The following STEAP2 variants were observed in gnomAD, a reference collection of about 807,000 sequenced individuals.
The protein encoded by STEAP2 is metalloreductase STEAP2.
In STEAP2, 30 loss-of-function variants were observed where a neutral mutation model predicts 46.4. That is an observed-to-expected ratio of 0.65 (90% confidence interval 0.48 to 0.88). STEAP2 has a LOEUF of 0.88. Among genes scored for constraint, STEAP2 ranks in the 40% least tolerant of loss-of-function variants. STEAP2 has a pLI of 0.00. For missense variants in STEAP2, 513 were observed against 579.3 expected, an observed-to-expected ratio of 0.89 and a Z score of 1.18; for synonymous variants, 180 against 200.5, an observed-to-expected ratio of 0.90 and a Z score of 0.86.
chr7:90,237,049 C>A lies in STEAP2; in HGVS notation c.*4425C>A. On this transcript the variant is annotated 3_prime_UTR_variant, in exon 6 of 6. Transcript: ENST00000394621. ...GTGTTGGCCAGTGAGATGAAGTCTC[C>A]TCAAAGGAAGGCAGCATGTGTCCTT... The A allele has an allele frequency of 7.6e-7, 1 of 1,313,240 alleles. No homozygotes were observed. The highest frequency in any genetic ancestry group is 1.9e-5 in the Admixed American group (1 of 51,284). 81.3% of individuals were successfully genotyped at this position (1,313,240 alleles called of 1,614,324 possible). A position where few individuals can be genotyped will look rare whatever the true frequency, so the allele number is the denominator to read the frequency against.
intron 5 of STEAP2, 111 bp from the exon 6 acceptor site, chr7:90,232,226 C>A: frequency 1.1e-5 from 14 of 1,300,228 alleles, no homozygotes; most frequent in Non-Finnish European, 1.4e-5. Context: ...TAATTTAAGA[C>A]AAAATAGTTT....
rs567759645 is a variant in STEAP2, at chr7:90,237,411, G to T, written c.*4787G>T. The T allele has an allele frequency of 6.5e-6, 1 of 154,838 alleles. No homozygotes were observed. 9.6% of individuals were successfully genotyped at this position (154,838 alleles called of 1,614,324 possible). On this transcript the variant is annotated 3_prime_UTR_variant, in exon 6 of 6. Coordinates refer to ENST00000394621, the MANE Select transcript of STEAP2 (RefSeq NM_001244944.2). ...AAAATTGATTTTCCATTGTCAATTA[G>T]TTATACTCATTTTCCTGCCTTGATC...
intron 1 of STEAP2, among the ~76,000 whole-genome samples, chr7:90,214,464 C>CT: frequency 6.6e-6 from 1 of 152,160 alleles, no homozygotes; most frequent in South Asian, 2.1e-4. Context: ...ATAGACTGGT[C>CT]TTTGATAGGT....
rs1795915023 is a variant in STEAP2 at position 90,235,051 on chromosome 7, C to G, written c.*2427C>G. 1 of 951,980 alleles carries G rather than the reference C, an allele frequency of 1.1e-6. No homozygotes were observed. The highest frequency in any genetic ancestry group is 1.3e-6 in the Non-Finnish European group (1 of 799,332). The allele number at this position is 951,980 out of a possible 1,614,324, so 59.0% of individuals were successfully genotyped here. ...ATTTTCTTATTCCTTAAATTCCACT[C>G]TTTTAACACTATGCTTAACCACTTA... On this transcript the variant is annotated 3_prime_UTR_variant, in exon 6 of 6. Coordinates refer to ENST00000394621, the MANE Select transcript of STEAP2 (RefSeq NM_001244944.2).
chr7:90,243,032 T>A (rs1417031306), downstream of STEAP2, among the ~76,000 whole-genome samples: 1 of 152,150 alleles, frequency 6.6e-6, no homozygotes, highest in African/African-American at 2.4e-5. Context: ...GGGCTGAGGA[T>A]GAGAAAAGCG....
intron 1 of STEAP2, chr7:90,215,341 T>A (rs1794973522): frequency 6.6e-6 from 1 of 152,212 alleles, no homozygotes; most frequent in Non-Finnish European, 1.5e-5. Context: ...TTAGGTTCTA[T>A]TTTTCAAAAG....
At chr7:90,231,666 G>T (rs770478470) in intron 5 of STEAP2, among the ~76,000 whole-genome samples, 6 of 151,978 alleles carry the variant, frequency 3.9e-5, no homozygotes, top group Admixed American at 6.6e-5. Context: ...TGGGACCACC[G>T]TTGTATATGC....
chr7:90,231,658 G>C (rs1795754034), intron 5 of STEAP2, among the ~76,000 whole-genome samples: 2 of 151,782 alleles, frequency 1.3e-5, no homozygotes, highest in East Asian at 3.9e-4. Context: ...TAATCTTATG[G>C]GACCACCGTT....
chr7:90,218,833 G>A (rs1351742196), intron 2 of STEAP2, among the ~76,000 whole-genome samples: 2 of 152,008 alleles, frequency 1.3e-5, no homozygotes, highest in Non-Finnish European at 2.9e-5. Context: ...TTTTGATAGG[G>A]ATTGCATTGA....
At chr7:90,240,275 T>C (rs1400251324), downstream of STEAP2, among the ~76,000 whole-genome samples, 1 of 47,402 alleles carries the variant, frequency 2.1e-5, no homozygotes, top group East Asian at 9.9e-4. The surrounding 1 kb of genome is among the most constrained non-coding windows in gnomAD (Gnocchi z 4.1). Flanking sequence ...AGTGAGACCC[T>C]GTCTCAAAAA....
In STEAP2 at chr7:90,234,077, C is replaced by G. The variant is rs1257207381; in HGVS notation, c.*1453C>G. 1 of 985,252 alleles carries G rather than the reference C, an allele frequency of 1.0e-6. No homozygotes were observed. Among genetic ancestry groups the G allele is most frequent in the Non-Finnish European group, 1.2e-6 (1 of 829,940 alleles). 61.0% of individuals were successfully genotyped at this position (985,252 alleles called of 1,614,324 possible). A position where few individuals can be genotyped will look rare whatever the true frequency, so the allele number is the denominator to read the frequency against. ...AAATCTCTGTAGAGTTAGTCTTCTC[C>G]TTTTCTCTTCCTGAGAAGTTCTCCT... On this transcript the variant is annotated 3_prime_UTR_variant, in exon 6 of 6. Coordinates refer to ENST00000394621, the MANE Select transcript of STEAP2 (RefSeq NM_001244944.2).
intron 3 of STEAP2, among the ~76,000 whole-genome samples, chr7:90,226,081 T>TGGG (rs1454172571): frequency 6.6e-6 from 1 of 152,196 alleles, no homozygotes; most frequent in Non-Finnish European, 1.5e-5. Context: ...CATAGGCTCT[T>TGGG]CTACAGGCTA....
Position 90,233,024 on chromosome 7 carries a change from T to C in STEAP2, c.*400T>C. ...TACATTTTTTTCTGAAGATTAAGATTTTAATTATTCAACTTAAAAAGTAGA... is the reference window on the plus strand; with the variant it reads ...TACATTTTTTTCTGAAGATTAAGATCTTAATTATTCAACTTAAAAAGTAGA... On this transcript the variant is annotated 3_prime_UTR_variant, in exon 6 of 6. Transcript: ENST00000394621. 2.1e-6 allele frequency: 2 copies of C among 967,736 alleles called. No individual in the cohort carries two copies. The highest frequency in any genetic ancestry group is 1.2e-6 in the Non-Finnish European group (1 of 813,680). The allele number at this position is 967,736 out of a possible 1,614,324, so 59.9% of individuals were successfully genotyped here. A position where few individuals can be genotyped will look rare whatever the true frequency, so the allele number is the denominator to read the frequency against.
downstream of STEAP2, among the ~76,000 whole-genome samples, chr7:90,241,967 G>T (rs914015380): frequency 6.6e-6 from 1 of 152,166 alleles, no homozygotes; most frequent in Non-Finnish European, 1.5e-5. Context: ...GAAACCTGCT[G>T]GCACCTTTCG....
rs760628329 is a variant in STEAP2 at position 90,232,338 on chromosome 7, C to G, written c.1187C>G (p.Ser396Cys). The G allele has an allele frequency of 5.7e-6, 9 of 1,590,702 alleles. No individual in the cohort carries two copies. Among genetic ancestry groups the G allele is most frequent in the Non-Finnish European group, 7.7e-6 (9 of 1,166,462 alleles). The change falls in exon 6 of 6, where the codon TCT becomes TGT. Residue 396 changes from serine to cysteine, a missense_variant and splice_region_variant. By Grantham distance (112) the Ser-to-Cys change is moderately radical (BLOSUM62 -1). Transcript: ENST00000394621. ...LNWREFSFIQ[S>C]TLGYVALLIS... is the part of the protein sequence containing the mutation. ...TTTTCCTTCCTCTCCTGGCCCAAGT[C>G]TACACTTGGATATGTCGCTCTGCTC...
At chr7:90,215,553 C>T (rs1459689950) in intron 1 of STEAP2, 3 of 152,110 alleles carry the variant, frequency 2.0e-5, no homozygotes, top group African/African-American at 4.8e-5. Context: ...ATTGAGCTCC[C>T]GAAGTTGAAG....
downstream of STEAP2, among the ~76,000 whole-genome samples, chr7:90,239,492 A>T (rs1043473780): frequency 1.3e-5 from 2 of 152,236 alleles, no homozygotes; most frequent in Non-Finnish European, 2.9e-5. Flanking sequence ...TAGAACTCAA[A>T]TAATTAATGT....
chr7:90,227,604 G>A, intron 4 of STEAP2, 106 bp downstream of exon 4: 2 of 1,099,250 alleles, frequency 1.8e-6, no homozygotes. Flanking sequence ...ATTTGATTTT[G>A]GTATACTGCG....
At chr7:90,241,919 G>A (rs10487107), downstream of STEAP2, among the ~76,000 whole-genome samples, 4,218 of 152,208 alleles carry the variant, frequency 0.028, 64 homozygotes, top group Middle Eastern at 0.048. Flanking sequence ...ATCTGAAGAC[G>A]GTGGCATGTA....
Sources: allele counts gnomAD v4.1 joint callset (sites outside exome capture counted in the v4.1 genomes callset), GRCh38; gene constraint gnomAD v4.1.1; non-coding constraint Gnocchi (gnomAD v3.1); transcripts MANE v1.5; gene names NCBI Gene and HGNC (gene_info 2026-07-23, HGNC 2026-07-21).